The following PAPSS1 variants were observed in gnomAD, a reference collection of about 807,000 sequenced individuals.
The protein encoded by PAPSS1 is bifunctional 3'-phosphoadenosine 5'-phosphosulfate synthase 1.
Under a neutral mutation model 72.0 loss-of-function variants are expected in PAPSS1, and 50 were observed. The observed-to-expected ratio is 0.69, with a 90% confidence interval of 0.55 to 0.88. PAPSS1 has a LOEUF of 0.88. Ranked by LOEUF, PAPSS1 falls within the 40% of genes least tolerant of loss-of-function variation. The pLI, the probability that PAPSS1 is intolerant of heterozygous loss-of-function variation, is 0.00. For missense variants in PAPSS1, 657 were observed against 782.2 expected (o/e 0.84, Z 1.91); for synonymous variants, 261 against 263.6 (o/e 0.99, Z 0.09).
chr4:107,617,153 G>T (rs1163148094), intron 11 of PAPSS1, among the ~76,000 whole-genome samples: 2 of 149,790 alleles, frequency 1.3e-5, no homozygotes, highest in Non-Finnish European at 3.0e-5. Flanking sequence ...TTTGATGTTT[G>T]TTATCTGTGT....
chr4:107,707,449 G>C (rs1309006172), intron 1 of PAPSS1, among the ~76,000 whole-genome samples: 2 of 152,122 alleles, frequency 1.3e-5, no homozygotes, highest in Non-Finnish European at 2.9e-5. Flanking sequence ...TTAGTACCAG[G>C]GTAGGCTTGG....
rs772930740 is a variant in PAPSS1 at position 107,653,472 on chromosome 4, A to C, written c.1237+19T>G. The C allele has an allele frequency of 1.1e-5, 17 of 1,604,954 alleles. No individual in the cohort carries two copies. The highest frequency in any genetic ancestry group is 3.4e-5 in the Admixed American group (2 of 58,436). ...CTCTCCAAGCCGGCCTATATTAGGT[A>C]ATTAAATCCATGTCTTACCAGCATT... is the stretch of plus-strand genomic sequence containing the variant. On this transcript the variant is annotated intron_variant, in intron 9 of 11. Coordinates refer to ENST00000265174, the MANE Select transcript of PAPSS1 (RefSeq NM_005443.5).
At chr4:107,707,861 T>A (rs1178811979) in intron 1 of PAPSS1, among the ~76,000 whole-genome samples, 1 of 152,232 alleles carries the variant, frequency 6.6e-6, no homozygotes, top group Non-Finnish European at 1.5e-5. Context: ...TACACAGATT[T>A]GACTTTTAAG....
Position 107,642,316 on chromosome 4 carries a change from G to C in PAPSS1, c.1506+2486C>G, listed in dbSNP as rs141569189. ...TGTGAAATTATAGTACATAGCTCTG[G>C]AGCCAGATTACTTAGGTTCAGATTT... On this transcript the variant is annotated intron_variant, in intron 10 of 11. Coordinates refer to ENST00000265174, the MANE Select transcript of PAPSS1 (RefSeq NM_005443.5). Among the ~76,000 whole-genome samples the C allele has an allele frequency of 1.1e-3, 174 of 152,018 alleles. 1 individual carries two copies. Among genetic ancestry groups the C allele is most frequent in the African/African-American group, 3.9e-3 (161 of 41,452 alleles).
At chr4:107,670,321 A>T (rs1429598669) in intron 5 of PAPSS1, among the ~76,000 whole-genome samples, 3 of 152,222 alleles carry the variant, frequency 2.0e-5, no homozygotes, top group Non-Finnish European at 4.4e-5. Context: ...AAGAGCAATT[A>T]GCATAGTCAT....
chr4:107,647,865 C>T (rs1726734979), intron 9 of PAPSS1, among the ~76,000 whole-genome samples: 1 of 152,120 alleles, frequency 6.6e-6, no homozygotes, highest in Admixed American at 6.5e-5. Flanking sequence ...GTTCAATTAC[C>T]GCACACATAC....
At chr4:107,644,442 A>T (rs924446373) in intron 10 of PAPSS1, among the ~76,000 whole-genome samples, 1 of 152,070 alleles carries the variant, frequency 6.6e-6, no homozygotes, top group African/African-American at 2.4e-5. Context: ...AAGACCTAGA[A>T]CTCTGGTAAC....
intron 11 of PAPSS1, among the ~76,000 whole-genome samples, chr4:107,627,910 C>T (rs1044048071): frequency 6.6e-6 from 1 of 152,052 alleles, no homozygotes; most frequent in African/African-American, 2.4e-5. Context: ...CTTTTAAAGG[C>T]AAACAAAATC....
chr4:107,715,167 G>A (rs1376031021), intron 1 of PAPSS1, among the ~76,000 whole-genome samples: 4 of 152,140 alleles, frequency 2.6e-5, no homozygotes, highest in African/African-American at 9.7e-5. Context: ...CTTGAAACGT[G>A]GTTACTGCAA....
Position 107,719,840 on chromosome 4 carries a change from T to C in PAPSS1, c.60+280A>G, listed in dbSNP as rs531284045. The C allele has an allele frequency of 2.3e-5, 31 of 1,322,432 alleles. No homozygotes were observed. In the East Asian group the frequency reaches 5.3e-4, roughly 22 times the overall value. 81.9% of individuals were successfully genotyped at this position (1,322,432 alleles called of 1,614,324 possible). On this transcript the variant is annotated intron_variant, in intron 1 of 11. Coordinates refer to ENST00000265174, the MANE Select transcript of PAPSS1 (RefSeq NM_005443.5). ...GGGTGAAGGATTTTCCTGGGGGTCT[T>C]ACCTGAGCGGAGGCGCTGGGGAGGG...
intron 3 of PAPSS1, among the ~76,000 whole-genome samples, chr4:107,691,099 C>T (rs892080152): frequency 3.3e-5 from 5 of 151,924 alleles, no homozygotes; most frequent in South Asian, 2.1e-4. Context: ...AGGACTCCTG[C>T]CATGGTTCAA....
chr4:107,642,376 A>G (rs1362766621), intron 10 of PAPSS1, among the ~76,000 whole-genome samples: 1 of 152,156 alleles, frequency 6.6e-6, no homozygotes, highest in African/African-American at 2.4e-5. Flanking sequence ...TGTGATCTTG[A>G]ACACAGTTTA....
At chr4:107,702,818 G>A (rs1398287500) in intron 1 of PAPSS1, among the ~76,000 whole-genome samples, 1 of 152,104 alleles carries the variant, frequency 6.6e-6, no homozygotes, top group Non-Finnish European at 1.5e-5. Context: ...CAATTAACAT[G>A]AGAATGCCAA....
At chr4:107,646,960 T>C (rs1373698193) in intron 9 of PAPSS1, among the ~76,000 whole-genome samples, 4 of 152,158 alleles carry the variant, frequency 2.6e-5, no homozygotes, top group African/African-American at 9.7e-5. Context: ...GCACACTAAT[T>C]ACCAGCACAC....
At chr4:107,703,604 T>C (rs1723262614) in intron 1 of PAPSS1, among the ~76,000 whole-genome samples, 1 of 152,206 alleles carries the variant, frequency 6.6e-6, no homozygotes. Context: ...ACACCATTTT[T>C]TGAAGACTGT....
intron 5 of PAPSS1, among the ~76,000 whole-genome samples, chr4:107,665,525 A>C (rs1161480988): frequency 2.0e-5 from 3 of 152,146 alleles, no homozygotes; most frequent in Non-Finnish European, 4.4e-5. Flanking sequence ...CAGGCCAGGA[A>C]AAAGTCTGCA....
At chr4:107,635,241 T>C (rs747928348) in intron 10 of PAPSS1, among the ~76,000 whole-genome samples, 2 of 152,132 alleles carry the variant, frequency 1.3e-5, no homozygotes, top group African/African-American at 2.4e-5. Flanking sequence ...AGAAACCTAC[T>C]GTTTGAAAAA....
At chr4:107,681,443 G>A (rs1229903526) in intron 5 of PAPSS1, among the ~76,000 whole-genome samples, 1 of 152,144 alleles carries the variant, frequency 6.6e-6, no homozygotes. Context: ...TAAAAACCCA[G>A]ACTAAAGTCT....
At chr4:107,646,053 G>C (rs1175189002) in intron 9 of PAPSS1, among the ~76,000 whole-genome samples, 1 of 152,048 alleles carries the variant, frequency 6.6e-6, no homozygotes, top group Admixed American at 6.6e-5. Context: ...AGTTCCTCAC[G>C]TTACCTTTAT....
Sources: gnomAD v4.1 joint callset for allele counts (sites outside exome capture counted in the v4.1 genomes callset) on GRCh38, gnomAD v4.1.1 for gene constraint, MANE v1.5 for transcripts, NCBI Gene and HGNC (gene_info 2026-07-23, HGNC 2026-07-21) for gene names.